Variants in ITGA11 observed in about 807,000 individuals in gnomAD.
ITGA11 encodes integrin alpha-11.
Under a neutral mutation model 141.9 loss-of-function variants are expected in ITGA11, and 97 were observed. The observed-to-expected ratio is 0.68, with a 90% CI of 0.58 to 0.81. The LOEUF (loss-of-function observed/expected upper bound fraction) is 0.81, where lower values mean the gene tolerates loss of function less well. Ranked by LOEUF, ITGA11 falls within the 30% of genes least tolerant of loss-of-function variation. The pLI is 0.00. For missense variants in ITGA11, 1,387 were observed against 1,559.2 expected, an observed-to-expected ratio of 0.89 and a Z score of 1.86; for synonymous variants, 658 against 624.6, an observed-to-expected ratio of 1.05 and a Z score of -0.80.
chr15:68,401,086 G>A (rs1326993465), intron 2 of ITGA11, among the ~76,000 whole-genome samples: 2 of 147,850 alleles, frequency 1.4e-5, no homozygotes, highest in East Asian at 3.9e-4. Context: ...TACAAAAATG[G>A]CCATTAAATT....
intron 2 of ITGA11, among the ~76,000 whole-genome samples, chr15:68,395,742 G>C (rs1167500900): frequency 2.5e-5 from 3 of 119,744 alleles, no homozygotes; most frequent in Non-Finnish European, 5.1e-5. Flanking sequence ...GGGGGCTGGG[G>C]GAGGGATAAC....
Position 68,303,164 on chromosome 15 carries a change from G to A in ITGA11, c.3496-34C>T, listed in dbSNP as rs755990031. The A allele has an allele frequency of 1.0e-5, 16 of 1,535,650 alleles. No homozygotes were observed. The highest frequency in any genetic ancestry group is 1.4e-5 in the Non-Finnish European group (16 of 1,135,182). ...AGGCAAAGGGAGACGTCTCAGAGGAGGACAGGGTGGGCAAGGCCTGCCCCA... is the reference window on the plus strand; with the variant it reads ...AGGCAAAGGGAGACGTCTCAGAGGAAGACAGGGTGGGCAAGGCCTGCCCCA... On this transcript the variant is annotated intron_variant, in intron 29 of 29. Coordinates refer to ENST00000315757, the MANE Select transcript of ITGA11 (RefSeq NM_001004439.2). This position sits in a 1 kb window ranked among gnomAD's most constrained non-coding sequence, Gnocchi z 5.3.
intron 2 of ITGA11, among the ~76,000 whole-genome samples, chr15:68,382,508 T>C (rs951181717): frequency 1.3e-5 from 2 of 152,226 alleles, no homozygotes; most frequent in African/African-American, 4.8e-5. Context: ...TTCCCCAAGA[T>C]TTACCTTGGG....
Position 68,320,350 on chromosome 15 carries a change from G to A in ITGA11, c.2451C>T (p.Cys817=). ...QRVLRKPAQD[C]SAYTLSFDTT... ...TGTCGAAGGACAGCGTGTATGCGGAGCAGTCCTGCGCAGGCTTCCTCAGCA... is the reference window on the plus strand; with the variant it reads ...TGTCGAAGGACAGCGTGTATGCGGAACAGTCCTGCGCAGGCTTCCTCAGCA... The change falls in exon 20 of 30, where the codon TGC becomes TGT. Residue 817 remains cysteine, a synonymous_variant. Transcript: ENST00000315757. 1.2e-6 allele frequency: 2 copies of A among 1,608,326 alleles called. No homozygotes were observed. Among genetic ancestry groups the A allele is most frequent in the Non-Finnish European group, 1.7e-6 (2 of 1,177,332 alleles).
intron 1 of ITGA11, among the ~76,000 whole-genome samples, chr15:68,417,638 C>A (rs1440258664): frequency 6.6e-6 from 1 of 152,134 alleles, no homozygotes. Context: ...TTCCCAGGGC[C>A]CACCAGGCCC....
intron 1 of ITGA11, among the ~76,000 whole-genome samples, chr15:68,404,690 CA>C (rs752173378): frequency 6.6e-6 from 1 of 152,120 alleles, no homozygotes; most frequent in Non-Finnish European, 1.5e-5. Context: ...GGACCTCAGA[CA>C]CCTACTCTGT....
At chr15:68,378,682 T>C (rs539713596) in intron 2 of ITGA11, among the ~76,000 whole-genome samples, 10 of 152,274 alleles carry the variant, frequency 6.6e-5, no homozygotes, top group African/African-American at 2.4e-4. Flanking sequence ...GCATATCTTT[T>C]ATCAATACTA....
intron 1 of ITGA11, among the ~76,000 whole-genome samples, chr15:68,427,311 C>T (rs1003666892): frequency 1.1e-4 from 17 of 152,282 alleles, no homozygotes; most frequent in Non-Finnish European, 4.4e-5. Flanking sequence ...CAGCACTTGA[C>T]ACAAATGAAT....
chr15:68,356,617 T>C (rs1895078440), intron 7 of ITGA11, among the ~76,000 whole-genome samples: 1 of 152,208 alleles, frequency 6.6e-6, no homozygotes, highest in Non-Finnish European at 1.5e-5. Flanking sequence ...TTCTGCAAAA[T>C]GACCTCGCTG....
rs1894264624 is a variant in ITGA11 at position 68,333,990 on chromosome 15, T to A, written c.1426-1512A>T. Reference sequence around the variant, plus strand: ...GTCCTCCCCAGACCATCCCCTGCCATCCCTCAAGTCTCAGCTGATGTGTCA... The same window carrying A: ...GTCCTCCCCAGACCATCCCCTGCCAACCCTCAAGTCTCAGCTGATGTGTCA... On this transcript the variant is annotated intron_variant, in intron 12 of 29. Transcript: ENST00000315757. This position sits in a 1 kb window ranked among gnomAD's most constrained non-coding sequence, Gnocchi z 4.2. Among the ~76,000 whole-genome samples the A allele has an allele frequency of 6.6e-6, 1 of 152,126 alleles. No homozygotes were observed. Among genetic ancestry groups the A allele is most frequent in the South Asian group, 2.1e-4 (1 of 4,826 alleles).
chr15:68,299,355 G>A lies in ITGA11; in HGVS notation c.*3704C>T, dbSNP rs1021711044. 1 of 151,712 alleles carries A rather than the reference G, an allele frequency of 6.6e-6. No individual in the cohort carries two copies. Among genetic ancestry groups the A allele is most frequent in the African/African-American group, 2.4e-5 (1 of 41,292 alleles). 9.4% of individuals were successfully genotyped at this position (151,712 alleles called of 1,614,324 possible). A position where few individuals can be genotyped will look rare whatever the true frequency, so the allele number is the denominator to read the frequency against. ...GTGCAGATTTTAACGTGGCCAGTTA[G>A]GCCTGGCTGTCCTTTGAGAAGAACC... On this transcript the variant is annotated 3_prime_UTR_variant, in exon 30 of 30. Transcript: ENST00000315757.
At chr15:68,396,137 T>C (rs1440496425) in intron 2 of ITGA11, among the ~76,000 whole-genome samples, 4 of 151,926 alleles carry the variant, frequency 2.6e-5, no homozygotes, top group Non-Finnish European at 5.9e-5. Context: ...CAGATACAAA[T>C]ACCCCAACAG....
At position 68,325,043 on chromosome 15, in the gene ITGA11, C is replaced by T. The variant is rs758929377; in HGVS notation, c.2322+88G>A. 3.6e-5 allele frequency: 35 copies of T among 963,668 alleles called. No homozygotes were observed. Among genetic ancestry groups the T allele is most frequent in the Non-Finnish European group, 4.9e-5 (29 of 594,998 alleles). The allele number at this position is 963,668 out of a possible 1,614,324, so 59.7% of individuals were successfully genotyped here. ...GATGAGGGATGGTGTCCTCTGTACC[C>T]GGCACACTCAGGCTCTGGGCTTTGG... On this transcript the variant is annotated intron_variant, in intron 18 of 29. Coordinates refer to ENST00000315757, the MANE Select transcript of ITGA11 (RefSeq NM_001004439.2). This position sits in a 1 kb window ranked among gnomAD's most constrained non-coding sequence, Gnocchi z 5.5.
chr15:68,396,229 A>C (rs1003796365), intron 2 of ITGA11, among the ~76,000 whole-genome samples: 2 of 148,604 alleles, frequency 1.3e-5, no homozygotes, highest in Non-Finnish European at 3.0e-5. Context: ...AGTTGGTTTA[A>C]TAGTTAAAGA....
chr15:68,369,368 G>A, intron 2 of ITGA11, 84 bp from the exon 3 acceptor site: 1 of 338,906 alleles, frequency 3.0e-6, no homozygotes. Flanking sequence ...GCAGTGTGGA[G>A]GTGAAGTTGG....
chr15:68,408,787 CTCCTGCCA>C (rs1896704267), intron 1 of ITGA11, among the ~76,000 whole-genome samples: 1 of 152,122 alleles, frequency 6.6e-6, no homozygotes, highest in Non-Finnish European at 1.5e-5. Context: ...TGCCTGGCTC[CTCCTGCCA>C]TCCTGCCAGG....
At chr15:68,407,062 G>A (rs772032621) in intron 1 of ITGA11, among the ~76,000 whole-genome samples, 7 of 152,162 alleles carry the variant, frequency 4.6e-5, no homozygotes, top group Non-Finnish European at 7.4e-5. Context: ...ACTCACTGGG[G>A]AGAAGGGAAG....
In ITGA11 at chr15:68,332,427, C is replaced by T. The variant is rs374883761; in HGVS notation, c.1477G>A (p.Gly493Ser). The part of the protein sequence containing the change: ...EITSVDIDGD[G>S]VTDVLLVGAP... ...CCCACCAGCAGGACATCAGTCACGC[C>T]GTCGCCGTCGATGTCCACCGAGGTG... Residue 493 changes from glycine to serine, a missense_variant, in exon 13 of 30, where the codon GGC (glycine) becomes AGC (serine). Coordinates refer to ENST00000315757, the MANE Select transcript of ITGA11 (RefSeq NM_001004439.2). 16 of 1,611,312 alleles carry T rather than the reference C, an allele frequency of 9.9e-6. No homozygotes were observed. The highest frequency in any genetic ancestry group is 6.7e-5 in the East Asian group (3 of 44,798).
chr15:68,361,558 C>G, intron 5 of ITGA11, 32 bp downstream of exon 5: 1 of 1,435,484 alleles, frequency 7.0e-7, no homozygotes, highest in South Asian at 1.2e-5. Context: ...GTCCACTGCT[C>G]AGCTTGAGGT....
Sources: allele counts gnomAD v4.1 joint callset (sites outside exome capture counted in the v4.1 genomes callset), GRCh38; gene constraint gnomAD v4.1.1; non-coding constraint Gnocchi (gnomAD v3.1); transcripts MANE v1.5; gene names NCBI Gene and HGNC (gene_info 2026-07-23, HGNC 2026-07-21).